The following ARK2C variants were observed in gnomAD, a reference collection of about 807,000 sequenced individuals.
ARK2C encodes the protein arkadia (RNF111) C-terminal like ring finger ubiquitin ligase 2C.
chr18:46,411,532 CCTA>C, the ARK2C span, among the ~76,000 whole-genome samples: 1 of 152,238 alleles, frequency 6.6e-6, no homozygotes, highest in Admixed American at 6.5e-5. Flanking sequence ...TTGGTAAGTT[CCTA>C]CTATGTGCCA....
chr18:46,367,215 G>C, the ARK2C span, among the ~76,000 whole-genome samples: 1 of 152,124 alleles, frequency 6.6e-6, no homozygotes, highest in African/African-American at 2.4e-5. Context: ...TTATTCAACT[G>C]GTTCAATTCT....
At chr18:46,354,087 G>T in the ARK2C span, among the ~76,000 whole-genome samples, 1 of 152,140 alleles carries the variant, frequency 6.6e-6, no homozygotes, top group Non-Finnish European at 1.5e-5. Flanking sequence ...CGTTCACCAG[G>T]CTCCCCAATT....
chr18:46,376,944 AGGCGTAAGCCACAGGGCCC>A, the ARK2C span, among the ~76,000 whole-genome samples: 1 of 152,152 alleles, frequency 6.6e-6, no homozygotes, highest in South Asian at 2.1e-4. Context: ...CTGGGATTAC[AGGCGTAAGCCACAGGGCCC>A]GGCCAAGAAT....
At chr18:46,412,415 C>G in the ARK2C span, among the ~76,000 whole-genome samples, 1 of 152,254 alleles carries the variant, frequency 6.6e-6, no homozygotes, top group Non-Finnish European at 1.5e-5. Context: ...TGTCTTGACC[C>G]TTGGTAGCAG....
chr18:46,413,298 G>A, the ARK2C span, among the ~76,000 whole-genome samples: 1 of 152,048 alleles, frequency 6.6e-6, no homozygotes, highest in African/African-American at 2.4e-5. Flanking sequence ...TGGACCATGT[G>A]GTGACGTCCC....
the ARK2C span, chr18:46,450,949 C>A: frequency 1.6e-6 from 1 of 632,210 alleles, no homozygotes; most frequent in Non-Finnish European, 2.8e-6. Flanking sequence ...TAATAACTTC[C>A]CAGGGTCATG....
the ARK2C span, chr18:46,433,166 G>A: frequency 6.5e-7 from 1 of 1,535,886 alleles, no homozygotes; most frequent in Non-Finnish European, 8.8e-7. Flanking sequence ...TCGTCATGGA[G>A]ATGTCTCTGT....
At chr18:46,334,391 G>T in the ARK2C span, 4 of 1,493,850 alleles carry the variant, frequency 2.7e-6, no homozygotes, top group Non-Finnish European at 3.6e-6. The surrounding 1 kb of genome is among the most constrained non-coding windows in gnomAD (Gnocchi z 4.4). Context: ...GCAGGCACCG[G>T]GGCGGGGGCG....
chr18:46,447,762 T>A, the ARK2C span: 1 of 1,589,214 alleles, frequency 6.3e-7, no homozygotes, highest in Non-Finnish European at 8.6e-7. Flanking sequence ...TGCGGTCCCC[T>A]GTGCCCTGGC....
the ARK2C span, among the ~76,000 whole-genome samples, chr18:46,365,136 C>T: frequency 6.6e-6 from 1 of 152,208 alleles, no homozygotes; most frequent in South Asian, 2.1e-4. Flanking sequence ...CAGCATCCTG[C>T]CTTCTTGTTA....
chr18:46,431,567 T>G, the ARK2C span, among the ~76,000 whole-genome samples: 1 of 152,208 alleles, frequency 6.6e-6, no homozygotes, highest in Admixed American at 6.5e-5. Flanking sequence ...ACAGTGTTTT[T>G]GGCACCAAGT....
At chr18:46,378,171 C>G in the ARK2C span, among the ~76,000 whole-genome samples, 1,393 of 152,308 alleles carry the variant, frequency 9.1e-3, 10 homozygotes, top group Non-Finnish European at 0.016. Flanking sequence ...CTGCACCAAA[C>G]CATTTATCAA....
At chr18:46,455,273 C>T in the ARK2C span, among the ~76,000 whole-genome samples, 2 of 152,094 alleles carry the variant, frequency 1.3e-5, no homozygotes, top group Non-Finnish European at 2.9e-5. Context: ...TAAATGAAAC[C>T]TGCTGGGCCT....
chr18:46,438,199 T>A, the ARK2C span, among the ~76,000 whole-genome samples: 1 of 152,270 alleles, frequency 6.6e-6, no homozygotes, highest in Admixed American at 6.5e-5. Context: ...CTGTGGGATA[T>A]TCCTGTGACC....
chr18:46,384,779 G>A, the ARK2C span, among the ~76,000 whole-genome samples: 1 of 152,228 alleles, frequency 6.6e-6, no homozygotes, highest in Non-Finnish European at 1.5e-5. Flanking sequence ...TGCTTTGGGA[G>A]ACCGAAGTGG....
At chr18:46,334,172 G>A in the ARK2C span, 19 of 652,696 alleles carry the variant, frequency 2.9e-5, no homozygotes, top group Non-Finnish European at 3.6e-5. The surrounding 1 kb of genome is among the most constrained non-coding windows in gnomAD (Gnocchi z 4.4). Context: ...CTCCCGCCCC[G>A]GCGGCTCCCG....
chr18:46,413,810 A>T, the ARK2C span, among the ~76,000 whole-genome samples: 2 of 152,202 alleles, frequency 1.3e-5, no homozygotes, highest in Non-Finnish European at 2.9e-5. Context: ...AAGGATGTAC[A>T]TACAGAGAAA....
chr18:46,342,446 C>A, the ARK2C span, among the ~76,000 whole-genome samples: 8 of 152,252 alleles, frequency 5.3e-5, no homozygotes, highest in African/African-American at 1.9e-4. Flanking sequence ...TCTAGACCCC[C>A]AACCCTGAGC....
chr18:46,460,154 T>C, the ARK2C span: 1 of 152,702 alleles, frequency 6.5e-6, no homozygotes, highest in East Asian at 1.9e-4. Flanking sequence ...CTTAACTCTT[T>C]ACGCCTAATG....
Sources: allele counts gnomAD v4.1 joint callset (sites outside exome capture counted in the v4.1 genomes callset), GRCh38; gene constraint gnomAD v4.1.1; non-coding constraint Gnocchi (gnomAD v3.1); transcripts MANE v1.5; gene names NCBI Gene and HGNC (gene_info 2026-07-23, HGNC 2026-07-21).